TIAL1: variants seen among roughly 807,000 people sequenced by gnomAD.
The protein encoded by TIAL1 is nucleolysin TIAR.
A neutral mutation model predicts 59.7 loss-of-function variants in TIAL1; 7 were observed. The observed-to-expected ratio is 0.12, with a 90% CI of 0.07 to 0.22. The LOEUF is 0.22. Among genes scored for constraint, TIAL1 ranks in the 10% least tolerant of loss-of-function variants. TIAL1 has a pLI of 1.00. For missense variants in TIAL1, 225 were observed against 462.5 expected, an observed-to-expected ratio of 0.49 and a Z score of 4.71; for synonymous variants, 149 against 146.3, an observed-to-expected ratio of 1.02 and a Z score of -0.13.
At chr10:119,587,019 C>T (rs1231823755) in intron 2 of TIAL1, among the ~76,000 whole-genome samples, 1 of 151,894 alleles carries the variant, frequency 6.6e-6, no homozygotes, top group African/African-American at 2.4e-5. Flanking sequence ...AATTTTTGAT[C>T]GATGAAAGCA....
rs1462380716 is a variant in TIAL1, at chr10:119,582,949, C to T, written c.130-392G>A. On this transcript the variant is annotated intron_variant, in intron 2 of 11. Coordinates refer to ENST00000436547, the MANE Select transcript of TIAL1 (RefSeq NM_003252.4). This position sits in a 1 kb window ranked among gnomAD's most constrained non-coding sequence, Gnocchi z 5.1. ...ATTTTTAAATTACGTTCTACTTATG[C>T]ATCATAATCCTCTATAAGTGGTATC... Among the ~76,000 whole-genome samples, 1 of 152,118 alleles carries T rather than the reference C, an allele frequency of 6.6e-6. No individual in the cohort carries two copies. The highest frequency in any genetic ancestry group is 2.4e-5 in the African/African-American group (1 of 41,448).
chr10:119,585,940 T>G (rs1845553022), intron 2 of TIAL1, among the ~76,000 whole-genome samples: 1 of 152,194 alleles, frequency 6.6e-6, no homozygotes. Context: ...GTTTCCTCAC[T>G]GTAGGATCTT....
chr10:119,593,775 A>G (rs1846007840), intron 1 of TIAL1, among the ~76,000 whole-genome samples: 1 of 152,206 alleles, frequency 6.6e-6, no homozygotes, highest in Non-Finnish European at 1.5e-5. Flanking sequence ...TAGAAAAACT[A>G]TGCATTATTT....
chr10:119,588,130 C>A, intron 2 of TIAL1, 22 bp downstream of exon 2: 2 of 1,416,692 alleles, frequency 1.4e-6, no homozygotes, highest in Non-Finnish European at 1.9e-6. Flanking sequence ...ATTGTCAGCA[C>A]ATGGAACTGG....
In TIAL1 at chr10:119,579,973, A is replaced by G. The variant is rs780733295; in HGVS notation, c.409T>C (p.Ser137Pro). The G allele has an allele frequency of 4.3e-6, 7 of 1,611,234 alleles. No individual in the cohort carries two copies. The highest frequency in any genetic ancestry group is 5.9e-6 in the Non-Finnish European group (7 of 1,178,800). ...RVVKDMATGKSKGYGFVSFYN... is the reference protein window; with the variant it reads ...RVVKDMATGKPKGYGFVSFYN... ...AAAGATACAAAACCATAGCCTTTGGATTTTCCAGTTGCCATGTCTTTAACT... is the reference window on the plus strand; with the variant it reads ...AAAGATACAAAACCATAGCCTTTGGGTTTTCCAGTTGCCATGTCTTTAACT... The change falls in exon 6 of 12, where the codon TCC (serine) becomes CCC (proline). Residue 137 changes from serine (S) to proline (P), a missense_variant. Physicochemically the swap from Ser to Pro is moderately conservative, Grantham distance 74 (BLOSUM62 -1). Transcript: ENST00000436547.
chr10:119,584,223 T>G (rs573700550), intron 2 of TIAL1, among the ~76,000 whole-genome samples: 1 of 152,340 alleles, frequency 6.6e-6, no homozygotes, highest in South Asian at 2.1e-4. Context: ...TTTTATATAT[T>G]CACATCACAC....
chr10:119,574,380 A>G lies in TIAL1; in HGVS notation c.*1285T>C, dbSNP rs895560365. 3 of 152,280 alleles carry G rather than the reference A, an allele frequency of 2.0e-5. No homozygotes were observed. Among genetic ancestry groups the G allele is most frequent in the Non-Finnish European group, 4.4e-5 (3 of 68,036 alleles). 9.4% of individuals were successfully genotyped at this position (152,280 alleles called of 1,614,324 possible). A position where few individuals can be genotyped will look rare whatever the true frequency, so the allele number is the denominator to read the frequency against. On this transcript the variant is annotated 3_prime_UTR_variant, in exon 12 of 12. Transcript: ENST00000436547. ...CAACTCTGTGTACTATTTAAACTGA[A>G]TATCCAATTATAAATTGGTACATTG...
chr10:119,581,302 C>T (rs1402444368), intron 5 of TIAL1, among the ~76,000 whole-genome samples: 1 of 152,014 alleles, frequency 6.6e-6, no homozygotes, highest in African/African-American at 2.4e-5. Flanking sequence ...AATCAAACCA[C>T]ATTTGCCTCT....
chr10:119,573,691 AATTT>A lies in TIAL1; in HGVS notation c.*1970_*1973del, dbSNP rs1332687990. The stretch of plus-strand genomic sequence containing the variant: ...TTTAACTCGGGGGCACAGTTAACAT[AATTT>A]ATTGAGTGTTCTCCCTATAAAATAT... On this transcript the variant is annotated 3_prime_UTR_variant, in exon 12 of 12. Transcript: ENST00000436547. The A allele has an allele frequency of 6.6e-6, 1 of 152,630 alleles. No homozygotes were observed. The highest frequency in any genetic ancestry group is 6.5e-5 in the Admixed American group (1 of 15,284). The allele number at this position is 152,630 out of a possible 1,614,324, so 9.5% of individuals were successfully genotyped here.
At chr10:119,579,432 T>C (rs1256489646) in intron 6 of TIAL1, among the ~76,000 whole-genome samples, 1 of 152,234 alleles carries the variant, frequency 6.6e-6, no homozygotes, top group Non-Finnish European at 1.5e-5. Flanking sequence ...TTACAGTTAA[T>C]GCAAATGCTT....
intron 2 of TIAL1, among the ~76,000 whole-genome samples, chr10:119,586,168 T>C (rs56781993): frequency 0.16 from 25,089 of 152,192 alleles, 2,352 homozygotes; most frequent in African/African-American, 0.24. Context: ...GTCTAATTCA[T>C]GTCTTAAATC....
Position 119,582,267 on chromosome 10 carries a change from T to C in TIAL1, c.229-44A>G, listed in dbSNP as rs1282331731. Reference sequence around the variant, plus strand: ...TTTAATAAAATTATTAGGCATGTCATGAGTTACAACACTTACCACTTATTA... The same window carrying C: ...TTTAATAAAATTATTAGGCATGTCACGAGTTACAACACTTACCACTTATTA... On this transcript the variant is annotated intron_variant, in intron 3 of 11. Transcript: ENST00000436547. This position sits in a 1 kb window ranked among gnomAD's most constrained non-coding sequence, Gnocchi z 5.1. The C allele has an allele frequency of 2.0e-6, 3 of 1,531,826 alleles. No individual in the cohort carries two copies. In the South Asian group the frequency reaches 3.6e-5, roughly 19 times the overall value. The allele number at this position is 1,531,826 out of a possible 1,614,324, so 94.9% of individuals were successfully genotyped here.
At chr10:119,580,189 T>A in intron 5 of TIAL1, 179 bp from the exon 6 acceptor site, 1 of 509,710 alleles carries the variant, frequency 2.0e-6, no homozygotes, top group Non-Finnish European at 3.3e-6. Flanking sequence ...AAAAAAGCAG[T>A]AGGACAAAAA....
intron 7 of TIAL1, among the ~76,000 whole-genome samples, chr10:119,578,011 G>A (rs1845097122): frequency 6.6e-6 from 1 of 152,042 alleles, no homozygotes; most frequent in Non-Finnish European, 1.5e-5. Flanking sequence ...TGGATCACGA[G>A]GTCACGAGTT....
intron 2 of TIAL1, among the ~76,000 whole-genome samples, chr10:119,585,949 T>C (rs1356872215): frequency 2.0e-5 from 3 of 152,198 alleles, no homozygotes; most frequent in Non-Finnish European, 2.9e-5. Context: ...CTGTAGGATC[T>C]TTCTTCCCTT....
intron 11 of TIAL1, 44 bp downstream of exon 11, chr10:119,576,567 T>A (rs936882771): frequency 1.3e-6 from 2 of 1,598,160 alleles, no homozygotes; most frequent in African/African-American, 2.7e-5. Flanking sequence ...ATTTATTTTG[T>A]CAGAACCATA....
chr10:119,579,252 C>T (rs542273134), intron 6 of TIAL1, among the ~76,000 whole-genome samples: 11 of 152,110 alleles, frequency 7.2e-5, no homozygotes, highest in Non-Finnish European at 1.6e-4. Flanking sequence ...GCAGCGCGAT[C>T]GCTTGAACCC....
intron 1 of TIAL1, among the ~76,000 whole-genome samples, chr10:119,591,579 TCCA>T (rs1845882870): frequency 6.6e-6 from 1 of 152,212 alleles, no homozygotes; most frequent in African/African-American, 2.4e-5. Flanking sequence ...TATTTAAAAA[TCCA>T]GTATTAAGGT....
chr10:119,590,297 A>G (rs941463076), intron 1 of TIAL1, among the ~76,000 whole-genome samples: 8 of 152,362 alleles, frequency 5.3e-5, no homozygotes, highest in African/African-American at 1.9e-4. Flanking sequence ...CAGCAGGACT[A>G]AAAGGTTATT....
Sources: gnomAD v4.1 joint callset for allele counts (sites outside exome capture counted in the v4.1 genomes callset) on GRCh38, gnomAD v4.1.1 for gene constraint, Gnocchi (gnomAD v3.1) non-coding constraint, MANE v1.5 for transcripts, NCBI Gene and HGNC (gene_info 2026-07-23, HGNC 2026-07-21) for gene names.